Variants in NTM observed in about 807,000 individuals in gnomAD.
NTM encodes the protein IgLON family member 2.
In NTM, 13 loss-of-function variants were observed where a neutral mutation model predicts 42.1. The observed-to-expected ratio is 0.31, with a 90% CI of 0.20 to 0.49. The LOEUF (loss-of-function observed/expected upper bound fraction) is 0.49. Among genes scored for constraint, NTM ranks in the 20% least tolerant of loss-of-function variants. The pLI is 0.99. For synonymous variants in NTM, 187 were observed against 179.2 expected (o/e 1.04, Z -0.35); for missense variants, 373 against 452.8 (o/e 0.82, Z 1.60).
intron 1 of NTM, among the ~76,000 whole-genome samples, chr11:131,610,209 A>T (rs1295843286): frequency 6.6e-6 from 1 of 152,230 alleles, no homozygotes; most frequent in Non-Finnish European, 1.5e-5. Flanking sequence ...TAGGGACTCC[A>T]GCAAGGGCGG....
intron 1 of NTM, among the ~76,000 whole-genome samples, chr11:131,730,001 CA>C (rs2079442046): frequency 6.6e-6 from 1 of 152,114 alleles, no homozygotes. Context: ...CTATATTTAA[CA>C]TTTCAAAGAA....
At chr11:132,166,198 A>G (rs1022286167) in intron 3 of NTM, among the ~76,000 whole-genome samples, 2 of 152,290 alleles carry the variant, frequency 1.3e-5, no homozygotes, top group Middle Eastern at 3.4e-3. Context: ...TCTAGAGAAC[A>G]TGACCTAGTT....
intron 2 of NTM, among the ~76,000 whole-genome samples, chr11:132,045,904 T>G (rs140717222): frequency 6.6e-6 from 1 of 152,348 alleles, no homozygotes; most frequent in Non-Finnish European, 1.5e-5. Flanking sequence ...GGAGCAGTGT[T>G]GTTTTGGATG....
intron 1 of NTM, among the ~76,000 whole-genome samples, chr11:131,628,848 G>A (rs2063377010): frequency 6.6e-6 from 1 of 152,232 alleles, no homozygotes; most frequent in Non-Finnish European, 1.5e-5. Context: ...CAGCTCTGGG[G>A]CAGAGGCAGA....
chr11:131,390,071 T>G (rs1353973070), intron 1 of NTM, among the ~76,000 whole-genome samples: 5 of 151,942 alleles, frequency 3.3e-5, no homozygotes, highest in Admixed American at 3.3e-4. Flanking sequence ...AGAAAAGAGG[T>G]TTATTTGGCT....
chr11:131,992,470 G>A (rs568288440), intron 2 of NTM, among the ~76,000 whole-genome samples: 2 of 152,154 alleles, frequency 1.3e-5, no homozygotes, highest in South Asian at 2.1e-4. Flanking sequence ...TTCAGCTGTA[G>A]AATGAGCTCT....
intron 2 of NTM, among the ~76,000 whole-genome samples, chr11:132,110,551 A>G (rs1282785577): frequency 6.6e-6 from 1 of 152,244 alleles, no homozygotes; most frequent in Non-Finnish European, 1.5e-5. Flanking sequence ...AATGCTTTCA[A>G]TCATATCCAT....
In NTM at chr11:131,651,580, G is replaced by A. The variant is rs143924897; in HGVS notation, c.83-259984G>A. ...ATAAAGGCCGGGCACAGTGTCTCAC[G>A]CCTGTAATCCCAGCATTTTGAGAGA... On this transcript the variant is annotated intron_variant, in intron 1 of 8. Transcript: ENST00000683400. Among the ~76,000 whole-genome samples the A allele has an allele frequency of 4.5e-3, 685 of 152,260 alleles. 6 individuals are homozygous for A. The highest frequency in any genetic ancestry group is 0.015 in the African/African-American group (637 of 41,542).
chr11:132,260,088 A>G (rs1392909870), intron 4 of NTM, among the ~76,000 whole-genome samples: 1 of 152,138 alleles, frequency 6.6e-6, no homozygotes, highest in African/African-American at 2.4e-5. Flanking sequence ...ATGGGAAACA[A>G]GGGAGGAGGA....
rs146934731 is a variant in NTM, at chr11:132,146,300, G to C, written c.186G>C (p.Arg62=). 1.2e-6 allele frequency: 2 copies of C among 1,614,058 alleles called. No homozygotes were observed. The highest frequency in any genetic ancestry group is 1.7e-5 in the Admixed American group (1 of 60,000). The change falls in exon 3 of 9, where the codon CGG becomes CGC. Residue 62 remains arginine (R), a synonymous_variant. Transcript: ENST00000683400. This position sits in a 1 kb window ranked among gnomAD's most constrained non-coding sequence, Gnocchi z 4.5. ...SATLRCTIDN[R]VTRVAWLNRS... is the part of the protein sequence containing the mutation. Reference sequence around the variant, plus strand: ...CCTTCAGGTGCACTATTGACAACCGGGTCACCCGGGTGGCCTGGCTAAACC... The same window carrying C: ...CCTTCAGGTGCACTATTGACAACCGCGTCACCCGGGTGGCCTGGCTAAACC...
chr11:131,733,263 C>T (rs2079926935), intron 1 of NTM, among the ~76,000 whole-genome samples: 1 of 152,128 alleles, frequency 6.6e-6, no homozygotes, highest in Non-Finnish European at 1.5e-5. Context: ...CTTTTCATCA[C>T]CATGAACTAA....
chr11:132,222,991 G>T (rs906182557), intron 4 of NTM, among the ~76,000 whole-genome samples: 13 of 152,172 alleles, frequency 8.5e-5, no homozygotes, highest in African/African-American at 1.4e-4. Flanking sequence ...CCAGTTATCT[G>T]CAAGATAGAA....
chr11:131,623,325 A>G (rs969239669), intron 1 of NTM, among the ~76,000 whole-genome samples: 3 of 152,234 alleles, frequency 2.0e-5, no homozygotes, highest in African/African-American at 7.2e-5. Flanking sequence ...AATCCAGTGG[A>G]AATATATGTG....
chr11:131,889,333 A>G (rs1318015979), intron 1 of NTM, among the ~76,000 whole-genome samples: 2 of 152,168 alleles, frequency 1.3e-5, no homozygotes, highest in Admixed American at 1.3e-4. Context: ...CTTTTAAGGT[A>G]GGGGACCAGA....
chr11:131,606,013 C>A, intron 1 of NTM: 1 of 398,204 alleles, frequency 2.5e-6, no homozygotes, highest in Non-Finnish European at 3.4e-6. Flanking sequence ...AGTGAGGGAC[C>A]AAGTTTGTCC....
chr11:131,484,114 G>A (rs570281855), intron 1 of NTM, among the ~76,000 whole-genome samples: 1 of 152,280 alleles, frequency 6.6e-6, no homozygotes, highest in Admixed American at 6.5e-5. Context: ...AGTCTCCTGG[G>A]CTTAAATACA....
intron 3 of NTM, among the ~76,000 whole-genome samples, chr11:132,150,398 A>G (rs965235919): frequency 2.8e-4 from 43 of 152,224 alleles, no homozygotes; most frequent in African/African-American, 1.0e-3. Context: ...TGGACAGTGC[A>G]GAGAGAGAAC....
In NTM at chr11:132,215,464, G is replaced by C. The variant is rs768156143; in HGVS notation, c.526+3317G>C. On this transcript the variant is annotated intron_variant, in intron 4 of 8. Transcript: ENST00000683400. ...AGTCTTGACTACCTTGTGTGGAAAG[G>C]AGTACAGAAATGTTAAGGACTATTT... Among the ~76,000 whole-genome samples, 102 of 152,026 alleles carry C rather than the reference G, an allele frequency of 6.7e-4. 1 individual carries two copies. The highest frequency in any genetic ancestry group is 8.8e-4 in the Non-Finnish European group (60 of 68,030).
chr11:132,163,744 A>G (rs1246937972), intron 3 of NTM, among the ~76,000 whole-genome samples: 1 of 152,182 alleles, frequency 6.6e-6, no homozygotes, highest in Non-Finnish European at 1.5e-5. Flanking sequence ...TGTTGTAGAG[A>G]CAGAAGCCTC....
Sources: gnomAD v4.1 joint callset for allele counts (sites outside exome capture counted in the v4.1 genomes callset) on GRCh38, gnomAD v4.1.1 for gene constraint, Gnocchi (gnomAD v3.1) non-coding constraint, MANE v1.5 for transcripts, NCBI Gene and HGNC (gene_info 2026-07-23, HGNC 2026-07-21) for gene names.